Variants in UTS2B observed in about 807,000 individuals in gnomAD.
UTS2B encodes the protein urotensin 2B.
Under a neutral mutation model 19.2 loss-of-function variants are expected in UTS2B, and 21 were observed. That is an observed-to-expected ratio of 1.09 (90% CI 0.78 to 1.58). UTS2B has a LOEUF of 1.58. UTS2B is among the 40% of genes most tolerant of loss of function. The probability of loss-of-function intolerance (pLI) is 0.00; values close to 1 mark genes in which losing one functional copy is unlikely to be tolerated. For missense variants in UTS2B, 138 were observed against 130.3 expected (o/e 1.06, Z -0.29); for synonymous variants, 57 against 50.2 (o/e 1.14, Z -0.58).
intron 3 of UTS2B, among the ~76,000 whole-genome samples, chr3:191,312,877 G>A (rs545340280): frequency 3.9e-4 from 59 of 152,208 alleles, no homozygotes; most frequent in Non-Finnish European, 6.8e-4. Context: ...TGTGAGGGCA[G>A]CTGGAGTAAA....
chr3:191,329,522 T>A, intron 1 of UTS2B: 8 of 633,918 alleles, frequency 1.3e-5, no homozygotes, highest in Non-Finnish European at 1.8e-5. Flanking sequence ...CACCAGCCCC[T>A]GCCCGCCCGA....
chr3:191,334,264 T>C (rs1718074799), upstream of UTS2B, among the ~76,000 whole-genome samples: 1 of 152,208 alleles, frequency 6.6e-6, no homozygotes, highest in South Asian at 2.1e-4. Context: ...TCTGAATTCA[T>C]ATGTGCACCA....
chr3:191,281,700 T>A (rs1716390502), intron 5 of UTS2B, among the ~76,000 whole-genome samples: 1 of 150,888 alleles, frequency 6.6e-6, no homozygotes, highest in Non-Finnish European at 1.5e-5. Context: ...AATAGTCTTG[T>A]AAGATGAAAA....
rs561796896 is a variant in UTS2B at position 191,309,201 on chromosome 3, G to A, written c.-181-4653C>T. On this transcript the variant is annotated intron_variant, in intron 3 of 8. Coordinates refer to ENST00000340524, the MANE Select transcript of UTS2B (RefSeq NM_198152.5). ...TTTTTTAAAACGGAGTCTCGCTCTC[G>A]CCCAGGCTGGAGTGCAGTGGTGCCA... 8.5e-5 allele frequency among the ~76,000 whole-genome samples: 13 copies of A among 152,098 alleles called. No homozygotes were observed. In the South Asian group the frequency reaches 1.9e-3, roughly 22 times the overall value.
chr3:191,272,552 A>T (rs1284909657), intron 8 of UTS2B, among the ~76,000 whole-genome samples: 1 of 152,136 alleles, frequency 6.6e-6, no homozygotes, highest in African/African-American at 2.4e-5. Flanking sequence ...CTTTTCAGTT[A>T]ATAGGTCTGT....
chr3:191,285,181 T>C (rs1368541135), intron 4 of UTS2B, among the ~76,000 whole-genome samples: 1 of 151,972 alleles, frequency 6.6e-6, no homozygotes, highest in Non-Finnish European at 1.5e-5. Context: ...ATTATGTAAA[T>C]TGTGACATCA....
intron 8 of UTS2B, among the ~76,000 whole-genome samples, chr3:191,274,819 CA>C (rs1348349615): frequency 1.3e-5 from 2 of 151,910 alleles, no homozygotes; most frequent in African/African-American, 4.8e-5. Flanking sequence ...AAGCATAATC[CA>C]AAAAAGTAAT....
At chr3:191,335,864 T>C in the UTS2B span, among the ~76,000 whole-genome samples, 1 of 151,772 alleles carries the variant, frequency 6.6e-6, no homozygotes, top group Admixed American at 6.6e-5. Context: ...AAATGTGTAG[T>C]CTTGGAACCA....
upstream of UTS2B, among the ~76,000 whole-genome samples, chr3:191,331,363 A>C (rs566692491): frequency 6.6e-6 from 1 of 152,338 alleles, no homozygotes; most frequent in Admixed American, 6.5e-5. Context: ...TCGTACCAAG[A>C]CATGAATGAT....
intron 2 of UTS2B, among the ~76,000 whole-genome samples, chr3:191,316,655 A>C (rs1717461779): frequency 6.6e-6 from 1 of 152,272 alleles, no homozygotes; most frequent in Non-Finnish European, 1.5e-5. Flanking sequence ...TCCCTGAGCT[A>C]GACACAGAGT....
intron 3 of UTS2B, among the ~76,000 whole-genome samples, chr3:191,313,552 G>T (rs530713601): frequency 5.9e-5 from 9 of 152,254 alleles, no homozygotes; most frequent in Middle Eastern, 3.4e-3. Context: ...GTTATGCTTT[G>T]ATGTACTCAC....
chr3:191,288,681 C>CT (rs1423271215), intron 4 of UTS2B, among the ~76,000 whole-genome samples: 1 of 149,474 alleles, frequency 6.7e-6, no homozygotes, highest in African/African-American at 2.4e-5. Flanking sequence ...AAAAAAACTA[C>CT]TTTTTTCTAT....
chr3:191,340,838 A>C, the UTS2B span, among the ~76,000 whole-genome samples: 1 of 151,958 alleles, frequency 6.6e-6, no homozygotes, highest in Non-Finnish European at 1.5e-5. Flanking sequence ...TTCAGATTCT[A>C]TTTCTTTTTC....
chr3:191,282,114 C>T lies in UTS2B; in HGVS notation c.76G>A (p.Val26Met), dbSNP rs779726636. 3 of 1,613,292 alleles carry T rather than the reference C, an allele frequency of 1.9e-6. No homozygotes were observed. The African/African-American group carries it at 4.0e-5, about 22-fold the overall frequency. ...TGGGTAAGATATGGTCGTCCATGCACAGATTGTAAAAAACTCAACACGGAT... is the reference window on the plus strand; with the variant it reads ...TGGGTAAGATATGGTCGTCCATGCATAGATTGTAAAAAACTCAACACGGAT... Reference protein sequence around the residue: ...LLSVLSFLQSVHGRPYLTQGN... With the variant: ...LLSVLSFLQSMHGRPYLTQGN... Residue 26 changes from valine (V) to methionine (M), a missense_variant, in exon 5 of 9, where the codon GTG (valine) becomes ATG (methionine). By Grantham distance (21) the Val-to-Met change is conservative. Transcript: ENST00000340524.
intron 4 of UTS2B, among the ~76,000 whole-genome samples, chr3:191,284,984 G>T (rs1716494489): frequency 6.6e-6 from 1 of 152,128 alleles, no homozygotes. Context: ...TTAGTAACTT[G>T]AAAGCATGAA....
intron 2 of UTS2B, 32 bp from the exon 3 acceptor site, chr3:191,316,471 G>A (rs779047192): frequency 2.0e-5 from 3 of 152,330 alleles, no homozygotes; most frequent in Non-Finnish European, 4.4e-5. Flanking sequence ...ATCTCCCACA[G>A]TGTGAAAGTC....
chr3:191,295,499 C>T (rs986560056), intron 4 of UTS2B, among the ~76,000 whole-genome samples: 3 of 151,828 alleles, frequency 2.0e-5, no homozygotes, highest in African/African-American at 7.3e-5. Flanking sequence ...TCTAGATTTT[C>T]TTTTATTATC....
the UTS2B span, among the ~76,000 whole-genome samples, chr3:191,337,674 C>G: frequency 3.3e-5 from 5 of 151,984 alleles, no homozygotes; most frequent in African/African-American, 1.2e-4. Context: ...AAATTACACT[C>G]CGGTAAATTT....
chr3:191,305,881 G>A (rs1193632698), intron 3 of UTS2B, among the ~76,000 whole-genome samples: 4 of 152,044 alleles, frequency 2.6e-5, no homozygotes, highest in African/African-American at 7.2e-5. Flanking sequence ...TTCTGCATAC[G>A]GCTAGTCAGT....
Sources: gnomAD v4.1 joint callset for allele counts (sites outside exome capture counted in the v4.1 genomes callset) on GRCh38, gnomAD v4.1.1 for gene constraint, MANE v1.5 for transcripts, NCBI Gene and HGNC (gene_info 2026-07-23, HGNC 2026-07-21) for gene names.